The following TRAPPC3L variants were observed in gnomAD, a reference collection of about 807,000 sequenced individuals.
TRAPPC3L encodes the protein trafficking protein particle complex subunit 3L, also known as trafficking protein particle complex subunit 3-like protein.
A neutral mutation model predicts 23.7 loss-of-function variants in TRAPPC3L; 23 were observed. The ratio of observed to expected loss-of-function variants is 0.97; its 90% CI spans 0.70 to 1.37. TRAPPC3L has a LOEUF of 1.37. Ranked by LOEUF, TRAPPC3L falls within the 40% of genes most tolerant of loss-of-function variation. TRAPPC3L has a pLI of 0.00. For synonymous variants in TRAPPC3L, 81 were observed against 77.9 expected (o/e 1.04, Z -0.21); for missense variants, 212 against 216.8 (o/e 0.98, Z 0.14).
chr6:116,542,292 A>G (rs1245757565), intron 2 of TRAPPC3L, among the ~76,000 whole-genome samples: 2 of 152,160 alleles, frequency 1.3e-5, no homozygotes, highest in Non-Finnish European at 2.9e-5. Context: ...AATTAAGTAG[A>G]AATTCCAAAA....
intron 3 of TRAPPC3L, among the ~76,000 whole-genome samples, chr6:116,501,399 G>A (rs956968957): frequency 6.6e-6 from 1 of 152,200 alleles, no homozygotes; most frequent in African/African-American, 2.4e-5. Context: ...AGCACAGCAA[G>A]GCCTACTGCC....
chr6:116,524,289 T>C (rs1389185379), intron 3 of TRAPPC3L: 1 of 152,216 alleles, frequency 6.6e-6, no homozygotes, highest in African/African-American at 2.4e-5. Flanking sequence ...CATTTGTATA[T>C]GTTTGAAAAA....
intron 3 of TRAPPC3L, chr6:116,517,939 T>C (rs530247464): frequency 1.3e-5 from 2 of 152,336 alleles, no homozygotes; most frequent in African/African-American, 4.8e-5. Context: ...TTCAGAGAGC[T>C]TCTGCATTGC....
intron 3 of TRAPPC3L, chr6:116,511,613 A>G (rs1245064434): frequency 1.0e-5 from 13 of 1,265,752 alleles, no homozygotes; most frequent in Non-Finnish European, 1.4e-5. Context: ...GTTTCTGATG[A>G]AGAAAGAGCT....
chr6:116,545,648 C>A lies in TRAPPC3L; in HGVS notation c.-134G>T. ...CTTTGAGACAGGAGTGCTGCTTCTGCACTCTGCTGCTTTTGCTCTTTGCTG... is the reference window on the plus strand; with the variant it reads ...CTTTGAGACAGGAGTGCTGCTTCTGAACTCTGCTGCTTTTGCTCTTTGCTG... On this transcript the variant is annotated 5_prime_UTR_variant, in exon 1 of 5. Transcript: ENST00000368602. 1 of 653,846 alleles carries A rather than the reference C, an allele frequency of 1.5e-6. No individual in the cohort carries two copies. The highest frequency in any genetic ancestry group is 2.5e-6 in the Non-Finnish European group (1 of 404,026). The allele number at this position is 653,846 out of a possible 1,614,324, so 40.5% of individuals were successfully genotyped here.
chr6:116,524,734 T>C (rs951605238), intron 3 of TRAPPC3L: 1 of 152,218 alleles, frequency 6.6e-6, no homozygotes, highest in African/African-American at 2.4e-5. Context: ...GTTTACTCTT[T>C]CATTGTGGAG....
intron 1 of TRAPPC3L, among the ~76,000 whole-genome samples, chr6:116,544,741 C>A (rs982002057): frequency 1.1e-4 from 16 of 152,178 alleles, no homozygotes; most frequent in African/African-American, 3.9e-4. Flanking sequence ...GAGGTATCTG[C>A]AGGCATTTCA....
rs1055509164 is a variant in TRAPPC3L, at chr6:116,543,701, T to A, written c.43-301A>T. The A allele has an allele frequency of 1.9e-5, 18 of 939,298 alleles. No individual in the cohort carries two copies. The Admixed American group carries it at 2.4e-4, about 12-fold the overall frequency. 58.2% of individuals were successfully genotyped at this position (939,298 alleles called of 1,614,324 possible). On this transcript the variant is annotated intron_variant, in intron 1 of 4. Transcript: ENST00000368602. ...TGTATTTTCATGGAGGACAGTTTTT[T>A]AAAAATACTAATTTCTAACATAAAT...
chr6:116,525,256 A>C (rs12192126), intron 3 of TRAPPC3L, among the ~76,000 whole-genome samples: 1 of 151,966 alleles, frequency 6.6e-6, no homozygotes, highest in African/African-American at 2.4e-5. Context: ...TATTCTTAAT[A>C]TCCTCTTGGG....
At chr6:116,513,200 C>G (rs1467595834) in intron 3 of TRAPPC3L, among the ~76,000 whole-genome samples, 1 of 152,144 alleles carries the variant, frequency 6.6e-6, no homozygotes, top group Non-Finnish European at 1.5e-5. Flanking sequence ...AAGGATTTGC[C>G]TTGGTAACAA....
intron 3 of TRAPPC3L, chr6:116,515,615 CTGATT>C: frequency 3.7e-6 from 6 of 1,610,452 alleles, no homozygotes; most frequent in Non-Finnish European, 5.1e-6. Context: ...AGGATGGTGC[CTGATT>C]TGTTCAGCGT....
chr6:116,500,653 A>G lies in TRAPPC3L; in HGVS notation c.254T>C (p.Met85Thr), dbSNP rs1044304465. ...CACACTTGGTGTAATTCCCAGGTAC[A>G]TCTTGAAAGCAACCTGATAAGAAAA... is the stretch of plus-strand genomic sequence containing the variant. ...IDIIAQVAFK[M>T]YLGITPSVTC... Residue 85 changes from methionine (M) to threonine (T), a missense_variant, in exon 4 of 5, where the codon ATG (methionine) becomes ACG (threonine). Coordinates refer to ENST00000368602, the MANE Select transcript of TRAPPC3L (RefSeq NM_001139444.3). 4 of 1,551,314 alleles carry G rather than the reference A, an allele frequency of 2.6e-6. No homozygotes were observed. The African/African-American group carries it at 5.5e-5, about 21-fold the overall frequency.
intron 3 of TRAPPC3L, among the ~76,000 whole-genome samples, chr6:116,507,278 T>C (rs1772022461): frequency 6.6e-6 from 1 of 152,098 alleles, no homozygotes; most frequent in South Asian, 2.1e-4. Flanking sequence ...CACAACAGTG[T>C]GGTGACAGTC....
intron 3 of TRAPPC3L, among the ~76,000 whole-genome samples, chr6:116,510,990 A>G (rs1177217652): frequency 6.6e-6 from 1 of 151,622 alleles, no homozygotes; most frequent in African/African-American, 2.4e-5. Context: ...GAGTGGTATA[A>G]TGGACTTTGG....
chr6:116,532,147 A>G (rs1772765870), intron 3 of TRAPPC3L, among the ~76,000 whole-genome samples: 1 of 152,212 alleles, frequency 6.6e-6, no homozygotes, highest in Admixed American at 6.5e-5. Context: ...TTGAGCAGAC[A>G]GGGTAGGAGT....
intron 3 of TRAPPC3L, chr6:116,520,896 A>G (rs1353885372): frequency 6.6e-6 from 1 of 152,044 alleles, no homozygotes; most frequent in Admixed American, 6.6e-5. Flanking sequence ...ATGAACTTTC[A>G]GAAGTTTTAC....
intron 3 of TRAPPC3L, among the ~76,000 whole-genome samples, chr6:116,525,212 T>C (rs1296010987): frequency 1.3e-5 from 2 of 152,208 alleles, no homozygotes; most frequent in African/African-American, 4.8e-5. Flanking sequence ...TCCTAAATCT[T>C]ACAGCCAGTG....
At chr6:116,500,383 A>C in intron 4 of TRAPPC3L, 98 bp downstream of exon 4, 1 of 1,146,192 alleles carries the variant, frequency 8.7e-7, no homozygotes, top group Non-Finnish European at 1.2e-6. Flanking sequence ...TAGATAACCA[A>C]TATACCCAGC....
At chr6:116,511,106 G>GTGTA (rs144175741) in intron 3 of TRAPPC3L, among the ~76,000 whole-genome samples, 22 of 140,860 alleles carry the variant, frequency 1.6e-4, no homozygotes, top group East Asian at 4.1e-4. Context: ...ATATATATAT[G>GTGTA]TATATATATA....
Sources: gnomAD v4.1 joint callset for allele counts (sites outside exome capture counted in the v4.1 genomes callset) on GRCh38, gnomAD v4.1.1 for gene constraint, MANE v1.5 for transcripts, NCBI Gene and HGNC (gene_info 2026-07-23, HGNC 2026-07-21) for gene names.